The following CRIM1 variants were observed in gnomAD, a reference collection of about 807,000 sequenced individuals.
CRIM1 encodes the protein cysteine rich transmembrane BMP regulator 1.
CRIM1 carries 32 observed loss-of-function variants against 116.4 expected under a neutral mutation model. The observed-to-expected ratio is 0.27, with a 90% CI of 0.21 to 0.37. The LOEUF (loss-of-function observed/expected upper bound fraction) is 0.37, where lower values mean the gene tolerates loss of function less well. Ranked by LOEUF, CRIM1 falls within the 10% of genes least tolerant of loss-of-function variation. The probability of loss-of-function intolerance (pLI) is 1.00; values close to 1 mark genes in which losing one functional copy is unlikely to be tolerated. For missense variants in CRIM1, 1,331 were observed against 1,354.8 expected, an observed-to-expected ratio of 0.98 and a Z score of 0.28; for synonymous variants, 590 against 509.2, an observed-to-expected ratio of 1.16 and a Z score of -2.13.
At chr2:36,471,191 GACA>G (rs1678485094) in intron 5 of CRIM1, among the ~76,000 whole-genome samples, 1 of 152,152 alleles carries the variant, frequency 6.6e-6, no homozygotes, top group African/African-American at 2.4e-5. Context: ...AGGATGCTGT[GACA>G]ACATCTTCAC....
intron 7 of CRIM1, among the ~76,000 whole-genome samples, chr2:36,480,238 CTCT>C (rs1265318395): frequency 3.9e-5 from 6 of 152,216 alleles, no homozygotes; most frequent in South Asian, 4.1e-4. Flanking sequence ...TTTGCTATCT[CTCT>C]TCTTGTTCAG....
At chr2:36,541,320 C>G (rs1017861528) in intron 14 of CRIM1, among the ~76,000 whole-genome samples, 1 of 152,186 alleles carries the variant, frequency 6.6e-6, no homozygotes, top group Non-Finnish European at 1.5e-5. Context: ...TTAGACATAG[C>G]AACTAACATT....
At chr2:36,459,425 A>C (rs1677411565) in intron 4 of CRIM1, among the ~76,000 whole-genome samples, 1 of 152,242 alleles carries the variant, frequency 6.6e-6, no homozygotes. Context: ...AGTATCCATG[A>C]AAAAGTTTAT....
intron 7 of CRIM1, among the ~76,000 whole-genome samples, chr2:36,493,496 GACAAGACAGTACTAC>G (rs1394212866): frequency 6.6e-6 from 1 of 152,130 alleles, no homozygotes; most frequent in Non-Finnish European, 1.5e-5. Context: ...TTACCCTCCT[GACAAGACAGTACTAC>G]ACACAGACCC....
intron 4 of CRIM1, among the ~76,000 whole-genome samples, chr2:36,448,943 C>T (rs1391669551): frequency 6.6e-6 from 1 of 152,054 alleles, no homozygotes; most frequent in Admixed American, 6.5e-5. Flanking sequence ...GAACCTATAT[C>T]TGGAACATGT....
rs149120251 is a variant in CRIM1, at chr2:36,451,588, G to A, written c.869+8853G>A. On this transcript the variant is annotated intron_variant, in intron 4 of 16. Transcript: ENST00000280527. ...TTCTGAGAAATGGAACGAGCAGCAG[G>A]ATCAAGAATCCTTTAGTGCTCTGTG... Among the ~76,000 whole-genome samples the A allele has an allele frequency of 3.1e-3, 471 of 152,284 alleles. 6 individuals carry two copies. The Middle Eastern group carries it at 0.037, about 12-fold the overall frequency.
chr2:36,416,413 C>G (rs1045633206), intron 2 of CRIM1, among the ~76,000 whole-genome samples: 1 of 152,098 alleles, frequency 6.6e-6, no homozygotes, highest in Admixed American at 6.5e-5. Flanking sequence ...GAAGTTAAGA[C>G]TAGAATGACC....
intron 9 of CRIM1, among the ~76,000 whole-genome samples, chr2:36,510,717 C>G (rs371251096): frequency 3.5e-4 from 54 of 152,248 alleles, no homozygotes; most frequent in African/African-American, 1.2e-3. Context: ...AGTCAAACCC[C>G]ATGAGAATCT....
At chr2:36,400,994 A>G (rs149978320) in intron 2 of CRIM1, among the ~76,000 whole-genome samples, 23 of 152,214 alleles carry the variant, frequency 1.5e-4, no homozygotes, top group African/African-American at 4.8e-4. Flanking sequence ...GGCAAGCAGA[A>G]TGGTATTCTT....
chr2:36,379,921 G>T, intron 1 of CRIM1, among the ~76,000 whole-genome samples: 1 of 149,340 alleles, frequency 6.7e-6, no homozygotes. Context: ...AAAAAAAAAG[G>T]TATGTTTATG....
chr2:36,490,668 T>C (rs944935962), intron 7 of CRIM1, among the ~76,000 whole-genome samples: 1 of 152,172 alleles, frequency 6.6e-6, no homozygotes, highest in Non-Finnish European at 1.5e-5. Context: ...GCTGTTTGAC[T>C]TCTGGGAGAG....
Position 36,395,010 on chromosome 2 carries a change from CTT to C in CRIM1, c.332-1583_332-1582del, listed in dbSNP as rs772105466. ...AATAAGAGCCATTTGTTTGTACTGT[CTT>C]TTTTTTTTTTTTTTTTTTTTGAGGC... On this transcript the variant is annotated intron_variant, in intron 1 of 16. Transcript: ENST00000280527. 6.3e-3 allele frequency among the ~76,000 whole-genome samples: 709 copies of C among 113,396 alleles called. 3 individuals carry two copies. The highest frequency in any genetic ancestry group is 0.023 in the African/African-American group (678 of 29,444). The allele number at this position is 113,396 out of a possible 152,430, so 74.4% of individuals were successfully genotyped here.
chr2:36,540,592 C>A (rs961001138), intron 14 of CRIM1, among the ~76,000 whole-genome samples: 1 of 152,190 alleles, frequency 6.6e-6, no homozygotes, highest in Non-Finnish European at 1.5e-5. Context: ...GAAACAGTAG[C>A]TTTGGCAAGG....
In CRIM1 at chr2:36,363,243, T is replaced by C. The variant is rs114585358; in HGVS notation, c.331+6620T>C. On this transcript the variant is annotated intron_variant, in intron 1 of 16. Transcript: ENST00000280527. The stretch of plus-strand genomic sequence containing the variant: ...AGAACTTGGTTTCTGGGGTCAAATC[T>C]GCACTCTGCTTCTGTGTGTCTCAGT... Among the ~76,000 whole-genome samples, 750 of 151,530 alleles carry C rather than the reference T, an allele frequency of 4.9e-3. 7 individuals are homozygous for C. Among genetic ancestry groups the C allele is most frequent in the African/African-American group, 0.017 (716 of 41,278 alleles).
chr2:36,505,377 T>C (rs1412054239), intron 8 of CRIM1, among the ~76,000 whole-genome samples: 2 of 149,394 alleles, frequency 1.3e-5, no homozygotes, highest in Non-Finnish European at 3.0e-5. Flanking sequence ...TCCTACCATA[T>C]ATTTCTGGTC....
intron 7 of CRIM1, 83 bp downstream of exon 7, chr2:36,479,777 A>G: frequency 2.9e-6 from 4 of 1,380,660 alleles, no homozygotes; most frequent in Non-Finnish European, 4.1e-6. Flanking sequence ...TTGTTTGTTT[A>G]TTTCCTTGGG....
At chr2:36,452,774 G>C (rs889470021) in intron 4 of CRIM1, among the ~76,000 whole-genome samples, 3 of 152,122 alleles carry the variant, frequency 2.0e-5, no homozygotes, top group Non-Finnish European at 4.4e-5. Flanking sequence ...AAGGCTCTCA[G>C]TCAGTGGCTT....
intron 1 of CRIM1, among the ~76,000 whole-genome samples, chr2:36,391,797 CAAAA>C (rs5830425): frequency 8.3e-6 from 1 of 120,782 alleles, no homozygotes; most frequent in Non-Finnish European, 1.8e-5. Flanking sequence ...ACTAATGGTG[CAAAA>C]AAAAAAAAAA....
chr2:36,440,661 G>A (rs1675743822), intron 2 of CRIM1, among the ~76,000 whole-genome samples: 1 of 152,206 alleles, frequency 6.6e-6, no homozygotes, highest in Non-Finnish European at 1.5e-5. Context: ...AGAAATAGAA[G>A]CACATCAGGT....
Sources: gnomAD v4.1 joint callset for allele counts (sites outside exome capture counted in the v4.1 genomes callset) on GRCh38, gnomAD v4.1.1 for gene constraint, MANE v1.5 for transcripts, NCBI Gene and HGNC (gene_info 2026-07-23, HGNC 2026-07-21) for gene names.